Variants in SRC observed in about 807,000 individuals in gnomAD.
The protein encoded by SRC is proto-oncogene tyrosine-protein kinase Src.
Under a neutral mutation model 62.9 loss-of-function variants are expected in SRC, and 13 were observed. The ratio of observed to expected loss-of-function variants is 0.21; its 90% confidence interval spans 0.13 to 0.33. The LOEUF is 0.33. Ranked by LOEUF, SRC falls within the 10% of genes least tolerant of loss-of-function variation. The pLI, the probability that SRC is intolerant of heterozygous loss-of-function variation, is 1.00. For missense variants in SRC, 457 were observed against 737.3 expected (o/e 0.62, Z 4.40); for synonymous variants, 302 against 317.5 (o/e 0.95, Z 0.52).
intron 2 of SRC, among the ~76,000 whole-genome samples, chr20:37,371,725 G>A (rs184111247): frequency 1.4e-3 from 218 of 152,090 alleles, no homozygotes; most frequent in East Asian, 4.8e-3. Context: ...TTTTGAGATG[G>A]AGTTTCACTC....
intron 1 of SRC, among the ~76,000 whole-genome samples, chr20:37,359,615 A>G (rs11905079): frequency 0.091 from 13,799 of 152,196 alleles, 682 homozygotes; most frequent in Middle Eastern, 0.15. Context: ...TGCTGGTGGA[A>G]CTGGAGGGGG....
In SRC at chr20:37,394,217, C is replaced by A. The variant is rs969649905; in HGVS notation, c.493C>A (p.Leu165Met). Residue 165 changes from leucine (L) to methionine (M), a missense_variant, in exon 7 of 14, where the codon CTG becomes ATG. By Grantham distance (15) the Leu-to-Met change is conservative. Transcript: ENST00000373578. ...KITRRESERL[L>M]LNAENPRGTF... The stretch of plus-strand genomic sequence containing the variant: ...CACCAGACGGGAGTCAGAGCGGTTA[C>A]TGCTCAATGCAGAGAACCCGAGAGG... 1 of 1,614,084 alleles carries A rather than the reference C, an allele frequency of 6.2e-7. No individual in the cohort carries two copies. The highest frequency in any genetic ancestry group is 8.5e-7 in the Non-Finnish European group (1 of 1,180,044).
intron 7 of SRC, among the ~76,000 whole-genome samples, chr20:37,395,866 G>A (rs1448350263): frequency 6.6e-6 from 1 of 152,256 alleles, no homozygotes; most frequent in African/African-American, 2.4e-5. Context: ...GGAAACTGAG[G>A]CCCAGATAGG....
At chr20:37,395,165 G>T (rs1194083974) in intron 7 of SRC, among the ~76,000 whole-genome samples, 1 of 152,260 alleles carries the variant, frequency 6.6e-6, no homozygotes, top group Non-Finnish European at 1.5e-5. Flanking sequence ...CAGGCTTTGA[G>T]TCCCCGGATG....
rs527678002 is a variant in SRC, at chr20:37,405,342, C to T, written c.*1963C>T. The T allele has an allele frequency of 2.4e-4, 5 of 20,698 alleles. No homozygotes were observed. The highest frequency in any genetic ancestry group is 8.5e-4 in the East Asian group (1 of 1,182). 1.3% of individuals were successfully genotyped at this position (20,698 alleles called of 1,614,324 possible). Reference sequence around the variant, plus strand: ...TCCGAAATTCCAAGGCCCAGACTTGCGGGGGGTGGGGGGGTATCCAGAATT... The same window carrying T: ...TCCGAAATTCCAAGGCCCAGACTTGTGGGGGGTGGGGGGGTATCCAGAATT... On this transcript the variant is annotated 3_prime_UTR_variant, in exon 14 of 14. Coordinates refer to ENST00000373578, the MANE Select transcript of SRC (RefSeq NM_198291.3).
chr20:37,389,336 G>A (rs935375764), intron 5 of SRC, among the ~76,000 whole-genome samples: 5 of 152,180 alleles, frequency 3.3e-5, no homozygotes, highest in African/African-American at 1.2e-4. Context: ...TCTTTTGGGA[G>A]TTTTCTGGCA....
At chr20:37,393,742 G>C in intron 5 of SRC, 153 bp from the exon 6 acceptor site, 1 of 599,014 alleles carries the variant, frequency 1.7e-6, no homozygotes, top group South Asian at 2.1e-5. Context: ...AGCTGGACCT[G>C]GCATGCTGTG....
chr20:37,373,238 A>T lies in SRC; in HGVS notation c.-173+7961A>T, dbSNP rs184946234. On this transcript the variant is annotated intron_variant, in intron 2 of 13. Transcript: ENST00000373578. ...CATGTACATACGTACACACATGCAC[A>T]TATGTACACACGCACACACATGTAC... Among the ~76,000 whole-genome samples the T allele has an allele frequency of 1.4e-4, 18 of 128,316 alleles. 2 individuals are homozygous for T. Among genetic ancestry groups the T allele is most frequent in the African/African-American group, 6.7e-4 (18 of 26,774 alleles). 84.2% of individuals were successfully genotyped at this position (128,316 alleles called of 152,430 possible). A position where few individuals can be genotyped will look rare whatever the true frequency, so the allele number is the denominator to read the frequency against.
intron 5 of SRC, chr20:37,386,520 C>T (rs1368782898): frequency 1.0e-5 from 7 of 673,922 alleles, no homozygotes; most frequent in Admixed American, 8.2e-5. Context: ...CGGGGTGCTT[C>T]GCGGGGGGTG....
rs1568642765 is a variant in SRC at position 37,396,478 on chromosome 20, G to C, written c.703+167G>C. 7.5e-6 allele frequency: 6 copies of C among 798,992 alleles called. No homozygotes were observed. The Admixed American group carries it at 1.4e-4, about 19-fold the overall frequency. The allele number at this position is 798,992 out of a possible 1,614,324, so 49.5% of individuals were successfully genotyped here. ...CTCCTCCCTTTTCCCTCCTTTCCTTGTCTCCTTCTTCTTCCTCTTCTTTCC... is the reference window on the plus strand; with the variant it reads ...CTCCTCCCTTTTCCCTCCTTTCCTTCTCTCCTTCTTCTTCCTCTTCTTTCC... On this transcript the variant is annotated intron_variant, in intron 8 of 13. Coordinates refer to ENST00000373578, the MANE Select transcript of SRC (RefSeq NM_198291.3). The surrounding 1 kb of genome is among the most constrained non-coding windows in gnomAD (Gnocchi z 6.1).
intron 5 of SRC, among the ~76,000 whole-genome samples, chr20:37,392,719 C>T (rs2070571766): frequency 6.6e-6 from 1 of 152,054 alleles, no homozygotes; most frequent in African/African-American, 2.4e-5. Flanking sequence ...ATGAGAGGGG[C>T]TGGACCCTAG....
At chr20:37,369,461 C>T (rs1241785997) in intron 2 of SRC, among the ~76,000 whole-genome samples, 1 of 152,100 alleles carries the variant, frequency 6.6e-6, no homozygotes, top group Non-Finnish European at 1.5e-5. Context: ...TATAGAAATA[C>T]AATGTATTTT....
intron 2 of SRC, among the ~76,000 whole-genome samples, chr20:37,377,622 C>T (rs558547313): frequency 1.1e-4 from 16 of 152,130 alleles, no homozygotes; most frequent in African/African-American, 2.4e-4. Context: ...CCATGGGAGA[C>T]GGCAGCACCA....
At position 37,402,617 on chromosome 20, in the gene SRC, C is replaced by G. The variant is rs1411531254; in HGVS notation, c.1270+29C>G. ...GGCAGGGGCTGTGTGGTATGTCGCG[C>G]TTGGCCTGGGACAGGTCACGTCCCG... On this transcript the variant is annotated intron_variant, in intron 12 of 13. Coordinates refer to ENST00000373578, the MANE Select transcript of SRC (RefSeq NM_198291.3). This position sits in a 1 kb window ranked among gnomAD's most constrained non-coding sequence, Gnocchi z 6.2. 1 of 1,596,552 alleles carries G rather than the reference C, an allele frequency of 6.3e-7. No homozygotes were observed. Among genetic ancestry groups the G allele is most frequent in the Admixed American group, 1.7e-5 (1 of 58,570 alleles).
chr20:37,382,499 G>A (rs191082505), intron 2 of SRC, 120 bp from the exon 3 acceptor site: 2 of 152,232 alleles, frequency 1.3e-5, no homozygotes, highest in African/African-American at 4.8e-5. Flanking sequence ...CTCTTAGCAC[G>A]GGCCTGCTAG....
At chr20:37,401,897 C>T in intron 11 of SRC, 2 of 463,072 alleles carry the variant, frequency 4.3e-6, no homozygotes, top group Admixed American at 8.1e-5. Flanking sequence ...CATCAGGGGT[C>T]ACTGACTTAC....
At chr20:37,367,094 G>GCTTTTT (rs2070074310) in intron 2 of SRC, among the ~76,000 whole-genome samples, 1 of 139,934 alleles carries the variant, frequency 7.1e-6, no homozygotes, top group Non-Finnish European at 1.5e-5. Context: ...TTGTGGTTTT[G>GCTTTTT]ATTTTTTTTT....
chr20:37,368,444 A>C (rs1379464739), intron 2 of SRC, among the ~76,000 whole-genome samples: 2 of 148,532 alleles, frequency 1.3e-5, no homozygotes, highest in Admixed American at 6.6e-5. Context: ...TAAACAAACA[A>C]ACACAAATAA....
At chr20:37,379,280 C>T (rs1020577700) in intron 2 of SRC, among the ~76,000 whole-genome samples, 3 of 152,124 alleles carry the variant, frequency 2.0e-5, no homozygotes, top group African/African-American at 4.8e-5. Flanking sequence ...CCTTGACCCC[C>T]GCAAGGGTCT....
Sources: allele counts gnomAD v4.1 joint callset (sites outside exome capture counted in the v4.1 genomes callset), GRCh38; gene constraint gnomAD v4.1.1; non-coding constraint Gnocchi (gnomAD v3.1); transcripts MANE v1.5; gene names NCBI Gene and HGNC (gene_info 2026-07-23, HGNC 2026-07-21).